The following PPP6C variants were observed in gnomAD, a reference collection of about 807,000 sequenced individuals.
PPP6C encodes the protein protein phosphatase 6 catalytic subunit.
Under a neutral mutation model 39.8 loss-of-function variants are expected in PPP6C, and 11 were observed. That is an observed-to-expected ratio of 0.28 (90% confidence interval 0.17 to 0.46). The LOEUF (loss-of-function observed/expected upper bound fraction) is 0.46. Ranked by LOEUF, PPP6C falls within the 20% of genes least tolerant of loss-of-function variation. The pLI, the probability that PPP6C is intolerant of heterozygous loss-of-function variation, is 1.00. For synonymous variants in PPP6C, 129 were observed against 130.3 expected (o/e 0.99, Z 0.07); for missense variants, 211 against 373.9 (o/e 0.56, Z 3.59).
At chr9:125,169,203 C>T (rs764206841) in intron 2 of PPP6C, among the ~76,000 whole-genome samples, 1 of 152,204 alleles carries the variant, frequency 6.6e-6, no homozygotes, top group Non-Finnish European at 1.5e-5. Context: ...TGGGCTATTT[C>T]TCTTCAATCT....
chr9:125,185,154 T>C (rs573012784), intron 1 of PPP6C, among the ~76,000 whole-genome samples: 5 of 152,250 alleles, frequency 3.3e-5, no homozygotes, highest in African/African-American at 1.2e-4. Context: ...CTGTATCTTT[T>C]ATTAATCTCT....
intron 4 of PPP6C, among the ~76,000 whole-genome samples, chr9:125,156,151 G>A (rs1407877542): frequency 6.6e-6 from 1 of 152,122 alleles, no homozygotes; most frequent in Non-Finnish European, 1.5e-5. Flanking sequence ...AAAGTCACCT[G>A]TAGAAAGGAG....
chr9:125,181,644 G>A (rs1338350838), intron 1 of PPP6C, among the ~76,000 whole-genome samples: 5 of 152,102 alleles, frequency 3.3e-5, no homozygotes, highest in African/African-American at 2.4e-5. Context: ...CTTCATCCAT[G>A]TCCCTGCAAA....
At position 125,153,657 on chromosome 9, in the gene PPP6C, T is replaced by C. The variant is rs746394707; in HGVS notation, c.545A>G (p.Asn182Ser). The change falls in exon 6 of 7, where the codon AAT becomes AGT. Residue 182 changes from asparagine (N) to serine (S), a missense_variant. This residue lies in a region of PPP6C where 168 missense variants were observed against 342.6 expected (regional missense o/e 0.49). Coordinates refer to ENST00000373547, the MANE Select transcript of PPP6C (RefSeq NM_002721.5). Reference protein sequence around the residue: ...TLDQIRTIERNQEIPHKGAFC... With the variant: ...TLDQIRTIERSQEIPHKGAFC... ...TGCTCCTTTATGAGGAATTTCCTGA[T>C]TCCGTTCGATGGTTCGAATTTGATC... 1.9e-6 allele frequency: 3 copies of C among 1,614,214 alleles called. No individual in the cohort carries two copies. The highest frequency in any genetic ancestry group is 2.5e-6 in the Non-Finnish European group (3 of 1,180,038).
intron 1 of PPP6C, among the ~76,000 whole-genome samples, chr9:125,184,779 C>G (rs549205926): frequency 6.6e-6 from 1 of 151,858 alleles, no homozygotes. Flanking sequence ...TCGAGACCAG[C>G]CTGGCCAACA....
chr9:125,162,553 C>A (rs949712747), intron 2 of PPP6C, among the ~76,000 whole-genome samples: 2 of 150,472 alleles, frequency 1.3e-5, no homozygotes, highest in African/African-American at 4.9e-5. Context: ...GCAGGTGGAT[C>A]ATGAGGTCAG....
chr9:125,171,217 CA>C, intron 1 of PPP6C, 37 bp from the exon 2 acceptor site: 1 of 1,436,586 alleles, frequency 7.0e-7, no homozygotes, highest in Non-Finnish European at 9.5e-7. Context: ...ACATTTACTA[CA>C]ACATTAAAAC....
intron 1 of PPP6C, 73 bp downstream of exon 1, chr9:125,189,571 G>A: frequency 2.5e-6 from 4 of 1,604,366 alleles, no homozygotes; most frequent in Non-Finnish European, 3.4e-6. Context: ...CCCGGCGGGG[G>A]TCCTGGAGAA....
chr9:125,181,159 A>C (rs764329535), intron 1 of PPP6C, among the ~76,000 whole-genome samples: 2 of 152,138 alleles, frequency 1.3e-5, no homozygotes, highest in Non-Finnish European at 2.9e-5. Flanking sequence ...TACGTGACTC[A>C]ATCAACTACA....
At chr9:125,176,528 G>A (rs180672360) in intron 1 of PPP6C, among the ~76,000 whole-genome samples, 1 of 152,188 alleles carries the variant, frequency 6.6e-6, no homozygotes, top group African/African-American at 2.4e-5. Context: ...GTGGTGGCAT[G>A]TGCCTGAAGT....
chr9:125,170,405 T>G (rs1829121540), intron 2 of PPP6C, among the ~76,000 whole-genome samples: 1 of 151,822 alleles, frequency 6.6e-6, no homozygotes, highest in African/African-American at 2.4e-5. Flanking sequence ...CCCAGCTAAT[T>G]TTTTTGTATT....
At chr9:125,186,162 G>A (rs922631918) in intron 1 of PPP6C, among the ~76,000 whole-genome samples, 1 of 151,892 alleles carries the variant, frequency 6.6e-6, no homozygotes, top group Admixed American at 6.6e-5. Context: ...TTTCCATCTT[G>A]CTCATTAAGT....
intron 2 of PPP6C, among the ~76,000 whole-genome samples, chr9:125,162,923 C>G (rs1412711514): frequency 6.6e-6 from 1 of 151,736 alleles, no homozygotes; most frequent in African/African-American, 2.4e-5. Flanking sequence ...ACTAAAAATA[C>G]AAAAATTAGC....
At chr9:125,150,421 G>GGTGTGT (rs113973939) in intron 6 of PPP6C, among the ~76,000 whole-genome samples, 35,739 of 149,874 alleles carry the variant, frequency 0.24, 4,451 homozygotes, top group Non-Finnish European at 0.3. Flanking sequence ...CAATATAAGG[G>GGTGTGT]GTGTGTGTGT....
chr9:125,189,431 C>G lies in PPP6C; in HGVS notation c.75+213G>C, dbSNP rs1354561428. ...ACCCTGGGACAGAGGCCGCGACATC[C>G]CTCGGGATCCCCACTGAGGCAACCG... On this transcript the variant is annotated intron_variant, in intron 1 of 6. Coordinates refer to ENST00000373547, the MANE Select transcript of PPP6C (RefSeq NM_002721.5). 9 of 1,325,604 alleles carry G rather than the reference C, an allele frequency of 6.8e-6. No individual in the cohort carries two copies. The African/African-American group carries it at 1.2e-4, about 18-fold the overall frequency. 82.1% of individuals were successfully genotyped at this position (1,325,604 alleles called of 1,614,324 possible).
At chr9:125,152,970 G>C (rs1209336036) in intron 6 of PPP6C, among the ~76,000 whole-genome samples, 2 of 150,870 alleles carry the variant, frequency 1.3e-5, no homozygotes, top group African/African-American at 4.9e-5. Context: ...CTTAACTACA[G>C]TACTTGAAAG....
chr9:125,151,622 A>C (rs1835944633), intron 6 of PPP6C: 2 of 689,802 alleles, frequency 2.9e-6, no homozygotes, highest in Admixed American at 3.8e-5. Flanking sequence ...TTTAAGAATA[A>C]AATCCACCCC....
At chr9:125,170,468 A>G (rs1026504758) in intron 2 of PPP6C, among the ~76,000 whole-genome samples, 15 of 151,634 alleles carry the variant, frequency 9.9e-5, no homozygotes, top group Non-Finnish European at 1.6e-4. Flanking sequence ...CAAACTCCTG[A>G]CCTCACGATC....
In PPP6C at chr9:125,171,472, CACACACAT is replaced by C. The variant is rs1191325714; in HGVS notation, c.76-300_76-293del. On this transcript the variant is annotated intron_variant, in intron 1 of 6. Transcript: ENST00000373547. ...ACACACACACATATACACACACACA[CACACACAT>C]ATATATATATATATATATATATATA... Among the ~76,000 whole-genome samples, 4 of 32,408 alleles carry C rather than the reference CACACACAT, an allele frequency of 1.2e-4. 1 individual carries two copies. Among genetic ancestry groups the C allele is most frequent in the Admixed American group, 9.4e-4 (3 of 3,184 alleles). The allele number at this position is 32,408 out of a possible 152,430, so 21.3% of individuals were successfully genotyped here.
Sources: gnomAD v4.1 joint callset for allele counts (sites outside exome capture counted in the v4.1 genomes callset) on GRCh38, gnomAD v4.1.1 for gene constraint, gnomAD v4.1.1 regional missense constraint, MANE v1.5 for transcripts, NCBI Gene and HGNC (gene_info 2026-07-23, HGNC 2026-07-21) for gene names.